CBL: variants seen among roughly 807,000 people sequenced by gnomAD.
CBL encodes Cbl proto-oncogene, also known as E3 ubiquitin-protein ligase CBL.
In CBL, 45 loss-of-function variants were observed where a neutral mutation model predicts 96.9. That is an observed-to-expected ratio of 0.46 (90% CI 0.37 to 0.60). The LOEUF (loss-of-function observed/expected upper bound fraction) is 0.60, where lower values mean the gene tolerates loss of function less well. CBL is among the 20% of genes least tolerant of loss of function. The pLI, the probability that CBL is intolerant of heterozygous loss-of-function variation, is 0.00. For synonymous variants in CBL, 420 were observed against 426.8 expected (o/e 0.98, Z 0.20); for missense variants, 1,024 against 1,143.5 (o/e 0.90, Z 1.51).
At chr11:119,228,630 GA>G (rs1261351368) in intron 1 of CBL, among the ~76,000 whole-genome samples, 4 of 151,792 alleles carry the variant, frequency 2.6e-5, no homozygotes, top group Non-Finnish European at 5.9e-5. Context: ...AGGAAATAGG[GA>G]CAAGGTCTTG....
intron 2 of CBL, among the ~76,000 whole-genome samples, chr11:119,255,964 G>A (rs1238897594): frequency 1.3e-5 from 2 of 151,292 alleles, no homozygotes; most frequent in Non-Finnish European, 2.9e-5. Flanking sequence ...TGAACTCCTG[G>A]TCTCAAGCAG....
At chr11:119,274,074 G>C (rs1350491506) in intron 4 of CBL, 50 bp downstream of exon 4, 1 of 1,148,718 alleles carries the variant, frequency 8.7e-7, no homozygotes, top group Non-Finnish European at 1.3e-6. Flanking sequence ...CTTCGGTGAA[G>C]AGAAAGCTTT....
chr11:119,271,689 A>G, intron 2 of CBL, 46 bp from the exon 3 acceptor site: 1 of 1,544,722 alleles, frequency 6.5e-7, no homozygotes, highest in South Asian at 1.1e-5. Context: ...CATTTAAAAT[A>G]AAAATAATTT....
chr11:119,253,835 TAAAAAC>T (rs55982813), intron 2 of CBL, among the ~76,000 whole-genome samples: 46,588 of 148,074 alleles, frequency 0.31, 7,761 homozygotes, highest in South Asian at 0.58. Flanking sequence ...AGACCCCATC[TAAAAAC>T]AAAAACAAAA....
At chr11:119,298,280 T>C in intron 14 of CBL, 78 bp from the exon 15 acceptor site, 1 of 1,307,944 alleles carries the variant, frequency 7.6e-7, no homozygotes, top group Non-Finnish European at 1.1e-6. Flanking sequence ...CATGTAAAAA[T>C]GAATGGCTGC....
intron 2 of CBL, among the ~76,000 whole-genome samples, chr11:119,258,208 A>T (rs115645005): frequency 0.031 from 4,741 of 152,312 alleles, 261 homozygotes; most frequent in African/African-American, 0.11. Flanking sequence ...AGCCTGGGCG[A>T]CAAGTGAGAC....
chr11:119,284,875 T>A, intron 9 of CBL, 94 bp from the exon 10 acceptor site: 1 of 1,476,436 alleles, frequency 6.8e-7, no homozygotes, highest in East Asian at 2.3e-5. Flanking sequence ...AGTTTAAGTG[T>A]TCCCATGGTA....
In CBL at chr11:119,274,044, G is replaced by T. The variant is rs2135299192; in HGVS notation, c.747+20G>T. The T allele has an allele frequency of 6.3e-7, 1 of 1,580,356 alleles. No homozygotes were observed. ...TTTCAGGTAGGACACTAAAAAAGTT[G>T]ACTAAACTGGTTACTGCTACTTCGG... On this transcript the variant is annotated intron_variant, in intron 4 of 15. Transcript: ENST00000264033.
At chr11:119,230,233 G>A (rs1297097259) in intron 1 of CBL, among the ~76,000 whole-genome samples, 2 of 151,194 alleles carry the variant, frequency 1.3e-5, no homozygotes, top group Admixed American at 1.3e-4. Context: ...CTCACTGCAA[G>A]CTCCGCCTCC....
intron 9 of CBL, among the ~76,000 whole-genome samples, chr11:119,283,625 CTTTTTTTTTTTTTTT>C (rs398017760): frequency 3.5e-4 from 16 of 45,512 alleles, no homozygotes; most frequent in East Asian, 6.8e-4. Context: ...TTAATTCTTT[CTTTTTTTTTTTTTTT>C]TTTTTTTTTT....
rs572265582 is a variant in CBL, at chr11:119,304,630, AT to A, written c.*4863del. 7,512 of 192,172 alleles carry A rather than the reference AT, an allele frequency of 0.039. 1 individual carries two copies. The highest frequency in any genetic ancestry group is 0.084 in the East Asian group (975 of 11,560). The allele number at this position is 192,172 out of a possible 1,614,324, so 11.9% of individuals were successfully genotyped here. A position where few individuals can be genotyped will look rare whatever the true frequency, so the allele number is the denominator to read the frequency against. On this transcript the variant is annotated 3_prime_UTR_variant, in exon 16 of 16. Transcript: ENST00000264033. ...ACAAATTCTCAATTTCCCATACTTA[AT>A]TTTTTTTTTTTTTGAGATGGAGTCT... is the stretch of plus-strand genomic sequence containing the variant.
chr11:119,278,996 G>T (rs1269901490), intron 9 of CBL, among the ~76,000 whole-genome samples: 2 of 152,190 alleles, frequency 1.3e-5, no homozygotes, highest in East Asian at 3.8e-4. Context: ...CAGCTAGTAG[G>T]TTGAAGCATC....
intron 2 of CBL, among the ~76,000 whole-genome samples, chr11:119,245,834 T>G (rs907084521): frequency 6.6e-6 from 1 of 152,052 alleles, no homozygotes. Context: ...TAAATTTTTT[T>G]GTGGAGATGG....
At chr11:119,283,189 C>G (rs1949951624) in intron 9 of CBL, among the ~76,000 whole-genome samples, 1 of 152,166 alleles carries the variant, frequency 6.6e-6, no homozygotes, top group Admixed American at 6.5e-5. Context: ...GATATAGCTA[C>G]TGACAAAATA....
In CBL at chr11:119,299,854, G is replaced by A; in HGVS notation, c.*73G>A. On this transcript the variant is annotated 3_prime_UTR_variant, in exon 16 of 16. Transcript: ENST00000264033. Reference sequence around the variant, plus strand: ...TATTACTCAAGTGGCACCTAGAAGGGCAGGAGTTCCTTTGGTGACTTCACA... The same window carrying A: ...TATTACTCAAGTGGCACCTAGAAGGACAGGAGTTCCTTTGGTGACTTCACA... 2.1e-6 allele frequency: 3 copies of A among 1,463,180 alleles called. No individual in the cohort carries two copies. The highest frequency in any genetic ancestry group is 2.9e-6 in the Non-Finnish European group (3 of 1,050,986). The allele number at this position is 1,463,180 out of a possible 1,614,324, so 90.6% of individuals were successfully genotyped here.
chr11:119,244,413 TTTAA>T (rs1949608844), intron 2 of CBL, among the ~76,000 whole-genome samples: 1 of 124,218 alleles, frequency 8.1e-6, no homozygotes, highest in Admixed American at 7.7e-5. Flanking sequence ...GCTTTTTATT[TTTAA>T]TTAATTTTTT....
intron 9 of CBL, among the ~76,000 whole-genome samples, chr11:119,283,991 A>T (rs1463440964): frequency 6.6e-6 from 1 of 152,016 alleles, no homozygotes. Context: ...GATGCTTTTT[A>T]GTGATATTCT....
rs746937986 is a variant in CBL at position 119,303,947 on chromosome 11, CT to C, written c.*4169del. 8.6e-6 allele frequency: 2 copies of C among 233,574 alleles called. No individual in the cohort carries two copies. Among genetic ancestry groups the C allele is most frequent in the Non-Finnish European group, 1.7e-5 (2 of 118,052 alleles). 14.5% of individuals were successfully genotyped at this position (233,574 alleles called of 1,614,324 possible). A position where few individuals can be genotyped will look rare whatever the true frequency, so the allele number is the denominator to read the frequency against. On this transcript the variant is annotated 3_prime_UTR_variant, in exon 16 of 16. Transcript: ENST00000264033. ...TACTATTTGGAATTGGTTTTCCAGT[CT>C]TTCAACAACCGTTGTGGCTAACTAT...
intron 2 of CBL, among the ~76,000 whole-genome samples, chr11:119,244,429 T>G: frequency 6.6e-6 from 1 of 151,926 alleles, no homozygotes; most frequent in Non-Finnish European, 1.5e-5. Context: ...TAATTTTTTT[T>G]TTTTTTGAGA....
Sources: allele counts gnomAD v4.1 joint callset (sites outside exome capture counted in the v4.1 genomes callset), GRCh38; gene constraint gnomAD v4.1.1; transcripts MANE v1.5; gene names NCBI Gene and HGNC (gene_info 2026-07-23, HGNC 2026-07-21).